Variants in NAA38 observed in about 807,000 individuals in gnomAD.
NAA38 encodes N-alpha-acetyltransferase 38, NatC auxiliary subunit.
Under a neutral mutation model 12.6 loss-of-function variants are expected in NAA38, and 15 were observed. The ratio of observed to expected loss-of-function variants is 1.19; its 90% CI spans 0.79 to 1.83. NAA38 has a LOEUF of 1.83. Among genes scored for constraint, NAA38 ranks in the 40% most tolerant of loss-of-function variants. The pLI, the probability that NAA38 is intolerant of heterozygous loss-of-function variation, is 0.00. For missense variants in NAA38, 183 were observed against 171.7 expected (o/e 1.07, Z -0.37); for synonymous variants, 88 against 69.9 (o/e 1.26, Z -1.29).
At chr17:7,879,802 C>T (rs1967238854) in intron 2 of NAA38, among the ~76,000 whole-genome samples, 1 of 152,006 alleles carries the variant, frequency 6.6e-6, no homozygotes, top group Non-Finnish European at 1.5e-5. Context: ...GTGAGACACA[C>T]AGGCATAGAT....
chr17:7,884,071 AACACACACAC>A (rs149257134), intron 1 of NAA38, among the ~76,000 whole-genome samples: 4 of 148,654 alleles, frequency 2.7e-5, no homozygotes, highest in Admixed American at 2.0e-4. Flanking sequence ...ATGCCCCCCC[AACACACACAC>A]ACACACACAC....
chr17:7,872,840 A>G (rs934559627), intron 2 of NAA38, among the ~76,000 whole-genome samples: 2 of 152,210 alleles, frequency 1.3e-5, no homozygotes, highest in African/African-American at 4.8e-5. Context: ...TAAACACTTG[A>G]AGCAGTCAAC....
chr17:7,858,237 T>G (rs1228149491), upstream of NAA38: 3 of 1,613,998 alleles, frequency 1.9e-6, no homozygotes, highest in South Asian at 3.3e-5. Flanking sequence ...CGAAGACCTC[T>G]GGGTATCTTA....
chr17:7,867,307 C>T (rs918403319), intron 2 of NAA38, among the ~76,000 whole-genome samples: 2 of 138,246 alleles, frequency 1.4e-5, no homozygotes, highest in African/African-American at 2.7e-5. Context: ...ATAATATTCA[C>T]CCTTTTATAG....
exon 3 of NAA38, chr17:7,866,499 A>G: frequency 3.2e-6 from 4 of 1,231,496 alleles, no homozygotes; most frequent in Non-Finnish European, 4.0e-6. Context: ...ACCATGGTCC[A>G]GAAGGTAAGA....
intron 2 of NAA38, among the ~76,000 whole-genome samples, chr17:7,874,885 C>CAAAAAAA (rs35962141): frequency 2.2e-5 from 1 of 45,484 alleles, no homozygotes; most frequent in Admixed American, 2.6e-4. Flanking sequence ...AACTCCATCT[C>CAAAAAAA]AAAAAAAAAA....
chr17:7,882,631 G>A (rs535706462), intron 2 of NAA38, among the ~76,000 whole-genome samples: 12 of 152,016 alleles, frequency 7.9e-5, no homozygotes, highest in Middle Eastern at 3.4e-3. Context: ...GGAGGAGTTA[G>A]ACTTAGTACA....
At chr17:7,876,279 G>A (rs1268983064) in intron 2 of NAA38, among the ~76,000 whole-genome samples, 1 of 151,948 alleles carries the variant, frequency 6.6e-6, no homozygotes, top group African/African-American at 2.4e-5. Context: ...GAAGCTGTCT[G>A]CCTACTCTAC....
intron 2 of NAA38, among the ~76,000 whole-genome samples, chr17:7,877,371 CA>C (rs889708443): frequency 1.3e-4 from 18 of 135,584 alleles, no homozygotes; most frequent in African/African-American, 4.7e-4. Context: ...TAAATGATGT[CA>C]TTTTTTTTTT....
chr17:7,865,910 A>C (rs11656715), intron 3 of NAA38: 15,647 of 152,042 alleles, frequency 0.1, 1,056 homozygotes, highest in Admixed American at 0.15. Context: ...TATTCAATTC[A>C]TTAAAATGAT....
chr17:7,858,228 GAA>G (rs752566731), upstream of NAA38: 408 of 1,613,896 alleles, frequency 2.5e-4, no homozygotes, highest in Non-Finnish European at 3.3e-4. Flanking sequence ...TAACAGGCCC[GAA>G]GACCTCTGGG....
chr17:7,878,597 G>A (rs71371821), intron 2 of NAA38, among the ~76,000 whole-genome samples: 3 of 152,000 alleles, frequency 2.0e-5, no homozygotes, highest in South Asian at 2.1e-4. Context: ...GTGGTGGCAC[G>A]CGCCTGTAAT....
chr17:7,878,056 G>A (rs1408809189), intron 2 of NAA38, among the ~76,000 whole-genome samples: 2 of 152,002 alleles, frequency 1.3e-5, no homozygotes, highest in African/African-American at 2.4e-5. Flanking sequence ...CATGCAAGAT[G>A]CTTTTACTTT....
upstream of NAA38, chr17:7,857,725 G>A (rs890128492): frequency 3.0e-5 from 39 of 1,288,974 alleles, no homozygotes; most frequent in Non-Finnish European, 3.8e-5. Context: ...TTTAGAAACT[G>A]GAATTTAGCG....
At chr17:7,861,456 C>T (rs2078882624), upstream of NAA38, 1 of 152,150 alleles carries the variant, frequency 6.6e-6, no homozygotes, top group African/African-American at 2.4e-5. Context: ...TTATGTGTAC[C>T]TTGTTTGCTC....
intron 1 of NAA38, among the ~76,000 whole-genome samples, chr17:7,884,457 C>CATAT (rs377079849): frequency 0.026 from 3,360 of 130,726 alleles, 33 homozygotes; most frequent in African/African-American, 0.043. Flanking sequence ...TATATATATA[C>CATAT]ATATATATAT....
Position 7,874,853 on chromosome 17 carries a change from C to T in NAA38, c.-65-8295G>A, listed in dbSNP as rs151094455. On this transcript the variant is annotated intron_variant, in intron 2 of 4. Transcript: ENST00000576861. ...TGAACCAAGATTGTGCCACTGCACT[C>T]CAGCCTCGGCAATAAGAGCAAAACT... 4.0e-3 allele frequency among the ~76,000 whole-genome samples: 565 copies of T among 142,390 alleles called. 4 individuals carry two copies. The highest frequency in any genetic ancestry group is 0.023 in the South Asian group (103 of 4,488). 93.4% of individuals were successfully genotyped at this position (142,390 alleles called of 152,430 possible).
At chr17:7,857,909 C>T (rs574353977), upstream of NAA38, 4 of 1,416,108 alleles carry the variant, frequency 2.8e-6, no homozygotes, top group South Asian at 1.5e-5. Flanking sequence ...CCTTATATGC[C>T]CCACGCGGGA....
chr17:7,856,821 G>A lies in NAA38; in HGVS notation c.288C>T (p.Pro96=). 6.2e-7 allele frequency: 1 copy of A among 1,613,842 alleles called. No individual in the cohort carries two copies. Among genetic ancestry groups the A allele is most frequent in the Non-Finnish European group, 8.5e-7 (1 of 1,180,004 alleles). The change falls in exon 3 of 3, where the codon CCC becomes CCT. Residue 96 remains proline (P), a synonymous_variant. Transcript: ENST00000575771. ...KPSDSFSAGE[P]RVLGLAMVPG... is the part of the protein sequence containing the mutation. ...GTACCATGGCCAGGCCCAGCACACG[G>A]GGCTCCCCGGCAGAGAAGGAATCTG... is the stretch of plus-strand genomic sequence containing the variant.
Sources: allele counts gnomAD v4.1 joint callset (sites outside exome capture counted in the v4.1 genomes callset), GRCh38; gene constraint gnomAD v4.1.1; transcripts MANE v1.5; gene names NCBI Gene and HGNC (gene_info 2026-07-23, HGNC 2026-07-21).